Variants in TUBGCP5 observed in about 807,000 individuals in gnomAD.
TUBGCP5 encodes gamma-tubulin complex component 5.
A neutral mutation model predicts 134.7 loss-of-function variants in TUBGCP5; 98 were observed. The ratio of observed to expected loss-of-function variants is 0.73; its 90% CI spans 0.62 to 0.86. TUBGCP5 has a LOEUF of 0.86. TUBGCP5 is among the 40% of genes least tolerant of loss of function. TUBGCP5 has a pLI of 0.00. For missense variants in TUBGCP5, 1,150 were observed against 1,244.8 expected, an observed-to-expected ratio of 0.92 and a Z score of 1.15; for synonymous variants, 456 against 431.4, an observed-to-expected ratio of 1.06 and a Z score of -0.71.
chr15:23,026,198 GT>G lies in TUBGCP5; in HGVS notation c.744del (p.Gln248HisfsTer34). 10 of 1,613,106 alleles carry G rather than the reference GT, an allele frequency of 6.2e-6. No homozygotes were observed. Among genetic ancestry groups the G allele is most frequent in the Non-Finnish European group, 8.5e-6 (10 of 1,179,558 alleles). ...TACAATGGATCACTGCTGTACAAGT[GT>G]TGGTCCCTATGAGACAGCAAACATA... ...LHSNLAAVWDQHLYSSDPLYV... is the reference protein window; with the variant it reads ...LHSNLAAVWDXHLYSSDPLYV... On this transcript the variant is annotated frameshift_variant, in exon 8 of 23. Transcript: ENST00000615383. LOFTEE classifies it high-confidence loss of function.
chr15:23,002,267 C>T lies in TUBGCP5; in HGVS notation c.2927+798G>A, dbSNP rs74003054. ...ATCTACTACCTTAGTTTCTTGATTC[C>T]GAGTACAGCCAATGGGAGATTTCGA... On this transcript the variant is annotated intron_variant, in intron 21 of 22. Transcript: ENST00000615383. Among the ~76,000 whole-genome samples, 727 of 152,264 alleles carry T rather than the reference C, an allele frequency of 4.8e-3. 5 individuals carry two copies. The highest frequency in any genetic ancestry group is 0.017 in the African/African-American group (702 of 41,546).
chr15:23,005,052 G>T (rs2064622554), intron 19 of TUBGCP5, among the ~76,000 whole-genome samples: 1 of 152,164 alleles, frequency 6.6e-6, no homozygotes, highest in Non-Finnish European at 1.5e-5. Flanking sequence ...TAACCTGGCT[G>T]CATCTTCCTC....
intron 1 of TUBGCP5, 110 bp from the exon 2 acceptor site, chr15:23,037,262 C>T (rs2066644829): frequency 1.9e-6 from 2 of 1,026,180 alleles, no homozygotes; most frequent in South Asian, 1.5e-5. Context: ...TACACATTTC[C>T]AGAATGGAGT....
chr15:22,996,146 G>A (rs943970708), downstream of TUBGCP5, among the ~76,000 whole-genome samples: 1 of 152,194 alleles, frequency 6.6e-6, no homozygotes, highest in African/African-American at 2.4e-5. Context: ...CTGCTTCTCA[G>A]GGGTAGATAC....
chr15:22,993,407 TTTTTA>T (rs960208249), intron 23 of TUBGCP5, among the ~76,000 whole-genome samples: 18 of 148,056 alleles, frequency 1.2e-4, no homozygotes, highest in Non-Finnish European at 1.3e-4. Flanking sequence ...TGGAAACTCT[TTTTTA>T]TTTTGAGACA....
intron 1 of TUBGCP5, among the ~76,000 whole-genome samples, chr15:23,037,398 T>C (rs2066655217): frequency 6.6e-6 from 1 of 152,162 alleles, no homozygotes; most frequent in Non-Finnish European, 1.5e-5. Context: ...CTCTGGCTCC[T>C]CTGTCTTCCC....
intron 23 of TUBGCP5, among the ~76,000 whole-genome samples, chr15:22,986,630 CAGG>C (rs1321897761): frequency 6.6e-6 from 1 of 151,704 alleles, no homozygotes; most frequent in Non-Finnish European, 1.5e-5. Flanking sequence ...CCTAGCTACT[CAGG>C]GGGCTGAGGC....
intron 6 of TUBGCP5, among the ~76,000 whole-genome samples, chr15:23,027,576 A>ACC: frequency 6.6e-6 from 1 of 151,664 alleles, no homozygotes; most frequent in African/African-American, 2.4e-5. Flanking sequence ...ACAAAGTATG[A>ACC]CCCCCCATCT....
At chr15:23,029,256 T>C (rs1249053590) in intron 6 of TUBGCP5, among the ~76,000 whole-genome samples, 8 of 152,188 alleles carry the variant, frequency 5.3e-5, no homozygotes, top group Non-Finnish European at 7.3e-5. Flanking sequence ...AGTTTTGCTC[T>C]TGTTGCCCAG....
chr15:23,006,511 T>C (rs1354666457), intron 16 of TUBGCP5, among the ~76,000 whole-genome samples, 159 bp from the exon 17 acceptor site: 1 of 152,198 alleles, frequency 6.6e-6, no homozygotes, highest in African/African-American at 2.4e-5. Flanking sequence ...TCTTCTAACA[T>C]ATATTCCAGA....
chr15:22,993,444 G>A (rs969666865), intron 23 of TUBGCP5, among the ~76,000 whole-genome samples: 2 of 150,878 alleles, frequency 1.3e-5, no homozygotes, highest in Admixed American at 1.3e-4. Flanking sequence ...TGCCGCCCAG[G>A]CTGGAGTGCA....
intron 19 of TUBGCP5, 45 bp from the exon 20 acceptor site, chr15:23,004,272 G>GA (rs757869962): frequency 6.3e-7 from 1 of 1,597,204 alleles, no homozygotes; most frequent in Admixed American, 1.8e-5. Context: ...CCTTCTTTGA[G>GA]GACTTGTGTG....
intron 23 of TUBGCP5, among the ~76,000 whole-genome samples, chr15:22,984,148 A>G (rs1413880662): frequency 6.6e-6 from 1 of 152,182 alleles, no homozygotes; most frequent in Non-Finnish European, 1.5e-5. Context: ...AAAATAAAAT[A>G]AAATAAATAA....
rs369588518 is a variant in TUBGCP5 at position 23,024,139 on chromosome 15, G to A, written c.976C>T (p.Arg326Ter). Reference sequence around the variant, plus strand: ...ACTTCATCAATGAACTCCTGGAGTCGAAACACAACCTGGCCATATGCTGCT... The same window carrying A: ...ACTTCATCAATGAACTCCTGGAGTCAAAACACAACCTGGCCATATGCTGCT... ...QIAAYGQVVF[R>*]LQEFIDEVMG... is the part of the protein sequence containing the mutation. Residue 326 changes from arginine (R) to a stop codon, truncating the protein, a stop_gained, in exon 10 of 23, where the codon CGA becomes TGA. Transcript: ENST00000615383. LOFTEE classifies it high-confidence loss of function. The A allele has an allele frequency of 7.4e-6, 12 of 1,613,942 alleles. No individual in the cohort carries two copies. The highest frequency in any genetic ancestry group is 6.7e-5 in the African/African-American group (5 of 74,884).
rs569057208 is a variant in TUBGCP5, at chr15:23,024,439, G to A, written c.922-246C>T. The A allele has an allele frequency of 5.9e-4, 273 of 465,098 alleles. 1 individual carries two copies. Among genetic ancestry groups the A allele is most frequent in the African/African-American group, 4.2e-3 (214 of 50,500 alleles). 28.8% of individuals were successfully genotyped at this position (465,098 alleles called of 1,614,324 possible). On this transcript the variant is annotated intron_variant, in intron 9 of 22. Transcript: ENST00000615383. Reference sequence around the variant, plus strand: ...ACATACATAAGTAAATGTACTTAAAGCAAAACAAAATTACAGTATATAACT... The same window carrying A: ...ACATACATAAGTAAATGTACTTAAAACAAAACAAAATTACAGTATATAACT...
Position 23,023,941 on chromosome 15 carries a change from T to TA in TUBGCP5, c.1168+5dup. 6.2e-7 allele frequency: 1 copy of TA among 1,613,442 alleles called. No homozygotes were observed. Among genetic ancestry groups the TA allele is most frequent in the Admixed American group, 1.7e-5 (1 of 59,908 alleles). ...AGTATGAGTAAAGATGAAGAACATTTAATACCATTATTGATGATGCACTTC... is the reference window on the plus strand; with the variant it reads ...AGTATGAGTAAAGATGAAGAACATTTAAATACCATTATTGATGATGCACTTC... On this transcript the variant is annotated splice_donor_region_variant and intron_variant, in intron 10 of 22. Transcript: ENST00000615383.
At chr15:22,985,469 C>T (rs570679612) in intron 23 of TUBGCP5, among the ~76,000 whole-genome samples, 1 of 152,050 alleles carries the variant, frequency 6.6e-6, no homozygotes, top group Admixed American at 6.6e-5. Context: ...CCGCCTGCCT[C>T]GGCCTCCCAA....
At chr15:23,009,442 G>T (rs1280920074) in intron 15 of TUBGCP5, among the ~76,000 whole-genome samples, 1 of 151,852 alleles carries the variant, frequency 6.6e-6, no homozygotes, top group Non-Finnish European at 1.5e-5. Context: ...CGAATTTTTT[G>T]TATTTTTAGT....
At chr15:23,025,631 G>C (rs554332135) in intron 8 of TUBGCP5, among the ~76,000 whole-genome samples, 3 of 152,120 alleles carry the variant, frequency 2.0e-5, no homozygotes, top group Non-Finnish European at 4.4e-5. Flanking sequence ...AGGAGATCTA[G>C]ACCATCCTGG....
Sources: allele counts gnomAD v4.1 joint callset (sites outside exome capture counted in the v4.1 genomes callset), GRCh38; gene constraint gnomAD v4.1.1; transcripts MANE v1.5; gene names NCBI Gene and HGNC (gene_info 2026-07-23, HGNC 2026-07-21).